Variants in SLC12A2 observed in about 807,000 individuals in gnomAD.
SLC12A2 encodes the protein solute carrier family 12 member 2.
A neutral mutation model predicts 136.3 loss-of-function variants in SLC12A2; 67 were observed. The ratio of observed to expected loss-of-function variants is 0.49; its 90% CI spans 0.40 to 0.60. The LOEUF is 0.60. Among genes scored for constraint, SLC12A2 ranks in the 20% least tolerant of loss-of-function variants. The pLI, the probability that SLC12A2 is intolerant of heterozygous loss-of-function variation, is 0.00. For synonymous variants in SLC12A2, 619 were observed against 562.9 expected (o/e 1.10, Z -1.41); for missense variants, 1,322 against 1,534.7 (o/e 0.86, Z 2.32).
At chr5:128,111,482 T>C (rs1761141419) in intron 1 of SLC12A2, among the ~76,000 whole-genome samples, 1 of 152,012 alleles carries the variant, frequency 6.6e-6, no homozygotes, top group Non-Finnish European at 1.5e-5. Context: ...AAAATATATA[T>C]AGGCTGGGCA....
chr5:128,100,244 G>A (rs1421340630), intron 1 of SLC12A2, among the ~76,000 whole-genome samples: 1 of 152,058 alleles, frequency 6.6e-6, no homozygotes, highest in African/African-American at 2.4e-5. Flanking sequence ...GCACTCGAGG[G>A]ATTTAACTCT....
chr5:128,097,008 C>G (rs1181046336), intron 1 of SLC12A2, among the ~76,000 whole-genome samples: 1 of 151,946 alleles, frequency 6.6e-6, no homozygotes, highest in Non-Finnish European at 1.5e-5. Context: ...AGGAAATTAA[C>G]AATGTTTTAA....
rs777339618 is a variant in SLC12A2 at position 128,112,795 on chromosome 5, T to C, written c.757-19T>C. ...AATTTTAAATGTTAAGCATAATTCA[T>C]ATTTCTTTTTATAACCAGGAACCTT... On this transcript the variant is annotated intron_variant, in intron 1 of 26. Coordinates refer to ENST00000262461, the MANE Select transcript of SLC12A2 (RefSeq NM_001046.3). The C allele has an allele frequency of 6.3e-7, 1 of 1,575,338 alleles. No homozygotes were observed. The highest frequency in any genetic ancestry group is 8.6e-7 in the Non-Finnish European group (1 of 1,158,324).
At chr5:128,107,173 G>A (rs1002326482) in intron 1 of SLC12A2, among the ~76,000 whole-genome samples, 2 of 152,176 alleles carry the variant, frequency 1.3e-5, no homozygotes, top group Non-Finnish European at 2.9e-5. Context: ...GATTGTCCCT[G>A]ACTCTACTGT....
intron 17 of SLC12A2, among the ~76,000 whole-genome samples, chr5:128,162,588 G>A (rs1197793065): frequency 2.0e-5 from 3 of 151,992 alleles, no homozygotes; most frequent in Admixed American, 6.6e-5. Context: ...AGATTCTAAA[G>A]AAAACATGAA....
At chr5:128,086,593 T>C (rs1485157026) in intron 1 of SLC12A2, among the ~76,000 whole-genome samples, 1 of 152,226 alleles carries the variant, frequency 6.6e-6, no homozygotes, top group African/African-American at 2.4e-5. Context: ...ATAAATATTA[T>C]GTTCAGTTTC....
intron 7 of SLC12A2, among the ~76,000 whole-genome samples, chr5:128,136,169 C>T (rs544536521): frequency 7.3e-4 from 111 of 152,156 alleles, no homozygotes; most frequent in African/African-American, 2.6e-3. Flanking sequence ...AGTATAAAAG[C>T]GCCTAAGATT....
chr5:128,121,224 G>T (rs530350384), intron 4 of SLC12A2, among the ~76,000 whole-genome samples: 79 of 152,296 alleles, frequency 5.2e-4, no homozygotes, highest in Non-Finnish European at 8.5e-4. Context: ...ATGGAAACAT[G>T]CAAGGTTTCT....
intron 5 of SLC12A2, among the ~76,000 whole-genome samples, chr5:128,131,961 C>T (rs762770307): frequency 9.2e-5 from 14 of 152,136 alleles, no homozygotes; most frequent in East Asian, 1.9e-4. Flanking sequence ...GCCGAGATCG[C>T]GCCTTTGCTC....
chr5:128,145,383 G>C (rs754077888), intron 10 of SLC12A2, among the ~76,000 whole-genome samples: 12 of 152,026 alleles, frequency 7.9e-5, no homozygotes, highest in African/African-American at 1.2e-4. Flanking sequence ...ATGATCTAAT[G>C]AGGCTGTATA....
intron 15 of SLC12A2, among the ~76,000 whole-genome samples, chr5:128,157,242 C>T (rs1040944053): frequency 6.6e-6 from 1 of 152,034 alleles, no homozygotes; most frequent in Non-Finnish European, 1.5e-5. Context: ...CTGTTTGGAC[C>T]TACCAAATGG....
intron 15 of SLC12A2, among the ~76,000 whole-genome samples, chr5:128,153,547 TC>T (rs998712554): frequency 3.3e-5 from 5 of 152,126 alleles, no homozygotes; most frequent in African/African-American, 1.2e-4. Context: ...AGAGCGAGAC[TC>T]CATCTCAAAA....
chr5:128,141,648 C>A (rs1182424476), intron 9 of SLC12A2, among the ~76,000 whole-genome samples, 182 bp from the exon 10 acceptor site: 10 of 152,080 alleles, frequency 6.6e-5, no homozygotes, highest in Non-Finnish European at 1.5e-5. Context: ...ATATTGGGGA[C>A]CATGATGCTT....
At chr5:128,109,650 C>T (rs1581068324) in intron 1 of SLC12A2, 2 of 812,280 alleles carry the variant, frequency 2.5e-6, no homozygotes, top group Non-Finnish European at 4.4e-6. Context: ...ACAGTGGATA[C>T]ATCAGGGAAT....
Position 128,186,781 on chromosome 5 carries a change from C to A in SLC12A2, c.*150C>A. 1 of 780,586 alleles carries A rather than the reference C, an allele frequency of 1.3e-6. No individual in the cohort carries two copies. Among genetic ancestry groups the A allele is most frequent in the Non-Finnish European group, 2.0e-6 (1 of 494,566 alleles). 48.4% of individuals were successfully genotyped at this position (780,586 alleles called of 1,614,324 possible). Reference sequence around the variant, plus strand: ...TTTGAAAGCACACAGGAAAGTTGCTCCATTGATAACGTGTATGGAGACTTC... The same window carrying A: ...TTTGAAAGCACACAGGAAAGTTGCTACATTGATAACGTGTATGGAGACTTC... On this transcript the variant is annotated 3_prime_UTR_variant, in exon 27 of 27. Transcript: ENST00000262461.
At chr5:128,168,974 A>G (rs1211164413) in intron 18 of SLC12A2, 1 of 152,144 alleles carries the variant, frequency 6.6e-6, no homozygotes, top group Non-Finnish European at 1.5e-5. Context: ...GATTTTGTGG[A>G]TGTTTAATGT....
chr5:128,177,827 C>G (rs1381737613), intron 21 of SLC12A2, among the ~76,000 whole-genome samples: 1 of 152,134 alleles, frequency 6.6e-6, no homozygotes, highest in African/African-American at 2.4e-5. Context: ...TGCTTGCTCA[C>G]AGAATCAATG....
At chr5:128,120,335 T>TAAC (rs1761509918) in intron 4 of SLC12A2, among the ~76,000 whole-genome samples, 1 of 128,752 alleles carries the variant, frequency 7.8e-6, no homozygotes. Context: ...GAAATACCAT[T>TAAC]TGACCCAGCC....
In SLC12A2 at chr5:128,148,789, G is replaced by T; in HGVS notation, c.1917G>T (p.Gln639His). Residue 639 changes from glutamine to histidine, a missense_variant, in exon 12 of 27, where the codon CAG (glutamine) becomes CAT (histidine). Gln to His is a conservative substitution (Grantham distance 24). This residue lies in a region of SLC12A2 where 294 missense variants were observed against 436.6 expected (regional missense o/e 0.67). Coordinates refer to ENST00000262461, the MANE Select transcript of SLC12A2 (RefSeq NM_001046.3). The part of the protein sequence containing the change: ...LCKDNIYPAF[Q>H]MFAKGYGKNN... The stretch of plus-strand genomic sequence containing the variant: ...AGGACAACATCTACCCAGCTTTCCA[G>T]ATGTTTGCTAAAGGTTATGGGAAAA... The T allele has an allele frequency of 6.2e-7, 1 of 1,606,688 alleles. No individual in the cohort carries two copies. The highest frequency in any genetic ancestry group is 8.5e-7 in the Non-Finnish European group (1 of 1,176,562).
Sources: allele counts gnomAD v4.1 joint callset (sites outside exome capture counted in the v4.1 genomes callset), GRCh38; gene constraint gnomAD v4.1.1; regional missense constraint gnomAD v4.1.1; transcripts MANE v1.5; gene names NCBI Gene and HGNC (gene_info 2026-07-23, HGNC 2026-07-21).